CHIA: variants seen among roughly 807,000 people sequenced by gnomAD.
The protein encoded by CHIA is acidic mammalian chitinase.
A neutral mutation model predicts 53.5 loss-of-function variants in CHIA; 47 were observed. The observed-to-expected ratio is 0.88, with a 90% CI of 0.70 to 1.12. The LOEUF (loss-of-function observed/expected upper bound fraction) is 1.12. Ranked by LOEUF, CHIA falls within the 50% of genes most tolerant of loss-of-function variation. The pLI, the probability that CHIA is intolerant of heterozygous loss-of-function variation, is 0.00. For synonymous variants in CHIA, 268 were observed against 222.2 expected (o/e 1.21, Z -1.83); for missense variants, 652 against 592.2 (o/e 1.10, Z -1.05).
intron 1 of CHIA, among the ~76,000 whole-genome samples, chr1:111,307,529 G>T: frequency 6.6e-6 from 1 of 152,110 alleles, no homozygotes; most frequent in East Asian, 1.9e-4. Context: ...TCAGAATAGT[G>T]GTTACTCCAG....
chr1:111,299,204 T>C (rs1647491423), intron 1 of CHIA, among the ~76,000 whole-genome samples: 1 of 152,032 alleles, frequency 6.6e-6, no homozygotes. Context: ...TTCCAATCAA[T>C]AGAAAAAGAG....
chr1:111,307,184 T>C (rs1204763911), intron 1 of CHIA, among the ~76,000 whole-genome samples: 1 of 151,908 alleles, frequency 6.6e-6, no homozygotes, highest in Non-Finnish European at 1.5e-5. Flanking sequence ...AGAAGAAAAA[T>C]ACTGAAAATA....
intron 2 of CHIA, 86 bp downstream of exon 2, chr1:111,310,578 T>C (rs1557741691): frequency 6.2e-7 from 1 of 1,606,690 alleles, no homozygotes; most frequent in Non-Finnish European, 8.5e-7. Flanking sequence ...GTGGTCTTCA[T>C]ACTACATCCC....
At chr1:111,301,094 G>C (rs1408491399) in intron 1 of CHIA, among the ~76,000 whole-genome samples, 2 of 152,154 alleles carry the variant, frequency 1.3e-5, no homozygotes, top group South Asian at 2.1e-4. Flanking sequence ...ATGCTGGAGA[G>C]GACATGGAGA....
At chr1:111,303,959 T>G (rs1002515505) in intron 1 of CHIA, among the ~76,000 whole-genome samples, 1 of 152,196 alleles carries the variant, frequency 6.6e-6, no homozygotes, top group Non-Finnish European at 1.5e-5. Context: ...TTTGTTTATC[T>G]AGAAATGTCT....
rs17027402 is a variant in CHIA, at chr1:111,318,799, T to C, written c.915+121T>C. Reference sequence around the variant, plus strand: ...ACCTAAATGCTTTAAACACAGCTGCTTAAAGTGTTTAAATAGCATTCATTT... The same window carrying C: ...ACCTAAATGCTTTAAACACAGCTGCCTAAAGTGTTTAAATAGCATTCATTT... On this transcript the variant is annotated intron_variant, in intron 9 of 11. Coordinates refer to ENST00000369740, the MANE Select transcript of CHIA (RefSeq NM_201653.4). 3 of 1,083,346 alleles carry C rather than the reference T, an allele frequency of 2.8e-6. No individual in the cohort carries two copies. The African/African-American group carries it at 4.8e-5, about 17-fold the overall frequency. 67.1% of individuals were successfully genotyped at this position (1,083,346 alleles called of 1,614,324 possible).
chr1:111,319,589 C>T (rs934308663), intron 11 of CHIA, 121 bp downstream of exon 11: 1 of 910,466 alleles, frequency 1.1e-6, no homozygotes, highest in African/African-American at 1.7e-5. Flanking sequence ...CACCTCACCG[C>T]TCTTGCCCAG....
Position 111,317,675 on chromosome 1 carries a change from C to T in CHIA, c.481-6C>T. ...AGATGTCCTATTATGCCTTATTATTCTGTAGGAAATGCGTGAAGCTTTTGA... is the reference window on the plus strand; with the variant it reads ...AGATGTCCTATTATGCCTTATTATTTTGTAGGAAATGCGTGAAGCTTTTGA... On this transcript the variant is annotated splice_polypyrimidine_tract_variant and splice_region_variant and intron_variant, in intron 6 of 11. Transcript: ENST00000369740. 2 of 1,614,062 alleles carry T rather than the reference C, an allele frequency of 1.2e-6. No individual in the cohort carries two copies. The highest frequency in any genetic ancestry group is 1.7e-6 in the Non-Finnish European group (2 of 1,179,970).
intron 1 of CHIA, among the ~76,000 whole-genome samples, chr1:111,300,123 G>C (rs1647593768): frequency 6.6e-6 from 1 of 152,062 alleles, no homozygotes; most frequent in African/African-American, 2.4e-5. Flanking sequence ...TCATGGATAG[G>C]AAGAATTAAT....
chr1:111,317,848 C>A, intron 7 of CHIA, 43 bp downstream of exon 7: 1 of 1,613,116 alleles, frequency 6.2e-7, no homozygotes, highest in Non-Finnish European at 8.5e-7. Flanking sequence ...AGGTGTCACT[C>A]GGGCACACTA....
intron 1 of CHIA, among the ~76,000 whole-genome samples, chr1:111,301,837 A>T (rs1647770341): frequency 6.6e-6 from 1 of 151,674 alleles, no homozygotes; most frequent in African/African-American, 2.4e-5. Flanking sequence ...TCTTACTCAT[A>T]GGTGTAAATT....
chr1:111,305,583 C>A (rs1648117011), intron 1 of CHIA, among the ~76,000 whole-genome samples: 1 of 152,182 alleles, frequency 6.6e-6, no homozygotes, highest in Non-Finnish European at 1.5e-5. Context: ...CTGAAATTGA[C>A]TAAAATTAAC....
chr1:111,307,242 T>C (rs1454263397), intron 1 of CHIA, among the ~76,000 whole-genome samples: 1 of 152,196 alleles, frequency 6.6e-6, no homozygotes, highest in African/African-American at 2.4e-5. Flanking sequence ...CACAGCATAT[T>C]TGTATAATGG....
At chr1:111,316,089 A>G (rs1267299775) in intron 6 of CHIA, 1 of 282,930 alleles carries the variant, frequency 3.5e-6, no homozygotes, top group Non-Finnish European at 7.0e-6. Flanking sequence ...TGTTTCCTAG[A>G]GAAAGTGATG....
intron 4 of CHIA, among the ~76,000 whole-genome samples, chr1:111,313,861 C>G (rs1225076448): frequency 6.6e-6 from 1 of 152,198 alleles, no homozygotes; most frequent in African/African-American, 2.4e-5. Flanking sequence ...GTGATTGCTA[C>G]TATCAGTAAT....
intron 1 of CHIA, among the ~76,000 whole-genome samples, chr1:111,298,330 C>T (rs902339922): frequency 6.6e-6 from 1 of 152,158 alleles, no homozygotes; most frequent in Non-Finnish European, 1.5e-5. Flanking sequence ...CCAAAATTGA[C>T]CACATAGTTG....
rs2101619280 is a variant in CHIA at position 111,302,607 on chromosome 1, G to A, written c.-68-7793G>A. Among the ~76,000 whole-genome samples the A allele has an allele frequency of 2.6e-5, 4 of 152,280 alleles. No individual in the cohort carries two copies. The South Asian group carries it at 8.3e-4, about 32-fold the overall frequency. ...TAACTTCACGTCCTTTGTGGTTGGAGAAGATACTTTGTATGATCTCTATAT... is the reference window on the plus strand; with the variant it reads ...TAACTTCACGTCCTTTGTGGTTGGAAAAGATACTTTGTATGATCTCTATAT... On this transcript the variant is annotated intron_variant, in intron 1 of 11. Coordinates refer to ENST00000369740, the MANE Select transcript of CHIA (RefSeq NM_201653.4).
At chr1:111,296,846 C>T (rs929779229) in intron 1 of CHIA, among the ~76,000 whole-genome samples, 5 of 152,290 alleles carry the variant, frequency 3.3e-5, no homozygotes, top group African/African-American at 1.2e-4. Flanking sequence ...AGACGAATGG[C>T]TAACCAGAAT....
intron 7 of CHIA, 51 bp downstream of exon 7, chr1:111,317,856 C>G (rs1354477417): frequency 2.5e-6 from 4 of 1,612,216 alleles, no homozygotes; most frequent in Non-Finnish European, 3.4e-6. Flanking sequence ...CTCGGGCACA[C>G]TAGACTTGTC....
Sources: gnomAD v4.1 joint callset for allele counts (sites outside exome capture counted in the v4.1 genomes callset) on GRCh38, gnomAD v4.1.1 for gene constraint, MANE v1.5 for transcripts, NCBI Gene and HGNC (gene_info 2026-07-23, HGNC 2026-07-21) for gene names.